The following SNX8 variants were observed in gnomAD, a reference collection of about 807,000 sequenced individuals.
The protein encoded by SNX8 is sorting nexin 8, also known as sorting nexin-8.
In SNX8, 25 loss-of-function variants were observed where a neutral mutation model predicts 51.6. The ratio of observed to expected loss-of-function variants is 0.48; its 90% CI spans 0.35 to 0.68. SNX8 has a LOEUF of 0.68. Among genes scored for constraint, SNX8 ranks in the 30% least tolerant of loss-of-function variants. The probability of loss-of-function intolerance (pLI) is 0.00; values close to 1 mark genes in which losing one functional copy is unlikely to be tolerated. For synonymous variants in SNX8, 324 were observed against 277.0 expected, an observed-to-expected ratio of 1.17 and a Z score of -1.68; for missense variants, 695 against 624.0, an observed-to-expected ratio of 1.11 and a Z score of -1.21.
At chr7:2,335,472 G>A (rs1360236687) in intron 1 of SNX8, among the ~76,000 whole-genome samples, 1 of 151,800 alleles carries the variant, frequency 6.6e-6, no homozygotes, top group Non-Finnish European at 1.5e-5. Context: ...AACATAGCCA[G>A]AGCCCATCTC....
rs895930962 is a variant in SNX8, at chr7:2,314,405, A to G, written c.17T>C (p.Met6Thr). MTGRA[M>T]DPLPAAAVGA... ...GACTGCAGCCGCGGGCAGCGGGTCC[A>G]TCGCGCGGCCAGTCATGTGAGCCCG... is the stretch of plus-strand genomic sequence containing the variant. Residue 6 changes from methionine (M) to threonine (T), a missense_variant, in exon 1 of 11, where the codon ATG becomes ACG. Physicochemically the swap from Met to Thr is moderately conservative, Grantham distance 81. Coordinates refer to ENST00000222990, the MANE Select transcript of SNX8 (RefSeq NM_013321.4). 8 of 1,218,492 alleles carry G rather than the reference A, an allele frequency of 6.6e-6. No individual in the cohort carries two copies. Among genetic ancestry groups the G allele is most frequent in the African/African-American group, 1.6e-5 (1 of 63,740 alleles). The allele number at this position is 1,218,492 out of a possible 1,614,324, so 75.5% of individuals were successfully genotyped here. A position where few individuals can be genotyped will look rare whatever the true frequency, so the allele number is the denominator to read the frequency against.
Position 2,284,212 on chromosome 7 carries a change from G to A in SNX8, c.95-5907C>T, listed in dbSNP as rs577799408. On this transcript the variant is annotated intron_variant, in intron 1 of 10. Coordinates refer to ENST00000222990, the MANE Select transcript of SNX8 (RefSeq NM_013321.4). ...CCTATAGTGCTGGGATGACAGGCGT[G>A]AGCCACCACACCCAGCCTGGAATCT... Among the ~76,000 whole-genome samples the A allele has an allele frequency of 2.0e-5, 3 of 152,088 alleles. No individual in the cohort carries two copies. The East Asian group carries it at 5.8e-4, about 29-fold the overall frequency.
intron 1 of SNX8, among the ~76,000 whole-genome samples, chr7:2,301,114 T>C (rs1286658815): frequency 2.0e-5 from 3 of 152,198 alleles, no homozygotes; most frequent in Non-Finnish European, 2.9e-5. Context: ...CCTAGCACAA[T>C]TGTCTAGGGT....
Position 2,300,424 on chromosome 7 carries a change from T to C in SNX8, c.94+13904A>G, listed in dbSNP as rs118170963. 7.7e-3 allele frequency among the ~76,000 whole-genome samples: 1,179 copies of C among 152,290 alleles called. 11 individuals carry two copies. The highest frequency in any genetic ancestry group is 0.043 in the South Asian group (208 of 4,832). On this transcript the variant is annotated intron_variant, in intron 1 of 10. Transcript: ENST00000222990. ...ACGTTGCAAAGCTTTCTCTCTTTTT[T>C]TTGGAGACAGAGTCTTGATCTGTTG...
Position 2,255,104 on chromosome 7 carries a change from G to T in SNX8, c.1350C>A (p.Thr450=). 6.3e-7 allele frequency: 1 copy of T among 1,580,406 alleles called. No homozygotes were observed. Among genetic ancestry groups the T allele is most frequent in the Middle Eastern group, 1.7e-4 (1 of 6,000 alleles). ...CCGGCGGGGAGCACGGTGGGGTCAG[G>T]GTGCTGTGTGGTCCCGCAAAGAGGC... ...LSCLFAGPHS[T]LTPPCSPPED... is the part of the protein sequence containing the mutation. Residue 450 remains threonine, a synonymous_variant, in exon 11 of 11, where the codon ACC becomes ACA. Transcript: ENST00000222990.
At chr7:2,319,616 C>T (rs959791011) in intron 1 of SNX8, among the ~76,000 whole-genome samples, 4 of 152,032 alleles carry the variant, frequency 2.6e-5, no homozygotes, top group Admixed American at 6.6e-5. Flanking sequence ...GAGATCGAGA[C>T]CATCCTGGCT....
chr7:2,254,732 C>G lies in SNX8; in HGVS notation c.*324G>C. ...CCAGCACCTGGAGGCCCTGCCTCCACGCTCCCCCAGGCACAATCTCTGTGA... is the reference window on the plus strand; with the variant it reads ...CCAGCACCTGGAGGCCCTGCCTCCAGGCTCCCCCAGGCACAATCTCTGTGA... On this transcript the variant is annotated 3_prime_UTR_variant, in exon 11 of 11. Transcript: ENST00000222990. 2.7e-6 allele frequency: 1 copy of G among 376,906 alleles called. No individual in the cohort carries two copies. Among genetic ancestry groups the G allele is most frequent in the Non-Finnish European group, 4.9e-6 (1 of 203,708 alleles). 23.3% of individuals were successfully genotyped at this position (376,906 alleles called of 1,614,324 possible). A position where few individuals can be genotyped will look rare whatever the true frequency, so the allele number is the denominator to read the frequency against.
At chr7:2,309,612 T>A (rs1473532697) in intron 1 of SNX8, among the ~76,000 whole-genome samples, 2 of 151,980 alleles carry the variant, frequency 1.3e-5, no homozygotes, top group Non-Finnish European at 2.9e-5. Context: ...ATGCCTGTAA[T>A]CCCAGCTACT....
chr7:2,252,507 GGGGA>G lies in SNX8; in HGVS notation c.*2545_*2548del, dbSNP rs1795060743. On this transcript the variant is annotated 3_prime_UTR_variant, in exon 11 of 11. Coordinates refer to ENST00000222990, the MANE Select transcript of SNX8 (RefSeq NM_013321.4). Reference sequence around the variant, plus strand: ...AAGGCACTGGGTGGCAGAGGAGGAAGGGGAGGGAGGTGTTCCAAAGCCAGTGCCC... The same window carrying G: ...AAGGCACTGGGTGGCAGAGGAGGAAGGGGAGGTGTTCCAAAGCCAGTGCCC... 1 of 152,358 alleles carries G rather than the reference GGGGA, an allele frequency of 6.6e-6. No homozygotes were observed. Among genetic ancestry groups the G allele is most frequent in the African/African-American group, 2.4e-5 (1 of 41,414 alleles). The allele number at this position is 152,358 out of a possible 1,614,324, so 9.4% of individuals were successfully genotyped here. A position where few individuals can be genotyped will look rare whatever the true frequency, so the allele number is the denominator to read the frequency against.
intron 1 of SNX8, among the ~76,000 whole-genome samples, chr7:2,345,401 C>A (rs182113926): frequency 1.3e-5 from 2 of 152,070 alleles, no homozygotes; most frequent in Admixed American, 6.6e-5. Context: ...TCTGGCCAGG[C>A]ACAGTGGCTC....
chr7:2,338,485 A>C (rs1778869863), intron 1 of SNX8, among the ~76,000 whole-genome samples: 1 of 151,230 alleles, frequency 6.6e-6, no homozygotes, highest in South Asian at 2.1e-4. Flanking sequence ...AAATACAAAA[A>C]ATTGGCGGGC....
At chr7:2,339,891 AAC>A (rs1778890840) in intron 1 of SNX8, among the ~76,000 whole-genome samples, 1 of 152,162 alleles carries the variant, frequency 6.6e-6, no homozygotes, top group Non-Finnish European at 1.5e-5. Context: ...CGTGGTAGAT[AAC>A]AGAGATTGGC....
At chr7:2,350,678 A>G (rs1275541522) in intron 1 of SNX8, among the ~76,000 whole-genome samples, 8 of 151,498 alleles carry the variant, frequency 5.3e-5, no homozygotes, top group African/African-American at 1.9e-4. Context: ...ACAGAGTCTC[A>G]CTCTGTCATT....
At position 2,254,967 on chromosome 7, in the gene SNX8, G is replaced by T; in HGVS notation, c.*89C>A. 1.1e-6 allele frequency: 1 copy of T among 909,930 alleles called. No homozygotes were observed. The highest frequency in any genetic ancestry group is 1.7e-6 in the Non-Finnish European group (1 of 573,484). 56.4% of individuals were successfully genotyped at this position (909,930 alleles called of 1,614,324 possible). On this transcript the variant is annotated 3_prime_UTR_variant, in exon 11 of 11. Transcript: ENST00000222990. Reference sequence around the variant, plus strand: ...AGCACGGGGCGTGGCGGGGAGGGGAGCTGCCGTCCAAAGGGAATTACACCG... The same window carrying T: ...AGCACGGGGCGTGGCGGGGAGGGGATCTGCCGTCCAAAGGGAATTACACCG...
intron 1 of SNX8, among the ~76,000 whole-genome samples, chr7:2,307,509 G>A (rs1169926572): frequency 6.6e-6 from 1 of 151,826 alleles, no homozygotes; most frequent in Non-Finnish European, 1.5e-5. Flanking sequence ...GTGGACACGT[G>A]TAATCCCAGC....
chr7:2,286,201 G>A lies in SNX8; in HGVS notation c.95-7896C>T, dbSNP rs193222739. On this transcript the variant is annotated intron_variant, in intron 1 of 10. Coordinates refer to ENST00000222990, the MANE Select transcript of SNX8 (RefSeq NM_013321.4). ...TAATTTTTGTATTTTGGGTAGAGAC[G>A]GGGTTTCACCATGATGGCCAGGCTG... Among the ~76,000 whole-genome samples the A allele has an allele frequency of 4.0e-5, 6 of 151,500 alleles. No individual in the cohort carries two copies. In the South Asian group the frequency reaches 6.3e-4, roughly 16 times the overall value.
intron 1 of SNX8, among the ~76,000 whole-genome samples, chr7:2,347,302 C>A (rs915645121): frequency 6.6e-6 from 1 of 151,644 alleles, no homozygotes; most frequent in African/African-American, 2.4e-5. Context: ...GCTAACACGG[C>A]GAAACCTGTT....
Position 2,264,338 on chromosome 7 carries a change from C to T in SNX8, c.742G>A (p.Asp248Asn), listed in dbSNP as rs778220348. 1.1e-5 allele frequency: 17 copies of T among 1,612,734 alleles called. No homozygotes were observed. The highest frequency in any genetic ancestry group is 5.3e-5 in the African/African-American group (4 of 74,890). ...RAERIASRAIDNAADLLIFGK... is the reference protein window; with the variant it reads ...RAERIASRAINNAADLLIFGK... Reference sequence around the variant, plus strand: ...AATATGAGAAGATCTGCCGCATTGTCGATGGCCCGCGATGCGATCCGCTCG... The same window carrying T: ...AATATGAGAAGATCTGCCGCATTGTTGATGGCCCGCGATGCGATCCGCTCG... Residue 248 changes from aspartate to asparagine, a missense_variant, in exon 6 of 11, where the codon GAC (aspartate) becomes AAC (asparagine). Coordinates refer to ENST00000222990, the MANE Select transcript of SNX8 (RefSeq NM_013321.4).
chr7:2,333,950 A>C (rs1778782180), intron 1 of SNX8, among the ~76,000 whole-genome samples: 1 of 151,936 alleles, frequency 6.6e-6, no homozygotes, highest in Non-Finnish European at 1.5e-5. Context: ...CAGTCTGGGC[A>C]ACATAGGGAG....
Sources: allele counts gnomAD v4.1 joint callset (sites outside exome capture counted in the v4.1 genomes callset), GRCh38; gene constraint gnomAD v4.1.1; transcripts MANE v1.5; gene names NCBI Gene and HGNC (gene_info 2026-07-23, HGNC 2026-07-21).